The following CACNA1A variants were observed in gnomAD, a reference collection of about 807,000 sequenced individuals.
CACNA1A encodes voltage-dependent P/Q-type calcium channel subunit alpha-1A.
CACNA1A carries 57 observed loss-of-function variants against 262.4 expected under a neutral mutation model. The observed-to-expected ratio is 0.22, with a 90% CI of 0.18 to 0.27. The LOEUF (loss-of-function observed/expected upper bound fraction) is 0.27, where lower values mean the gene tolerates loss of function less well. Ranked by LOEUF, CACNA1A falls within the 10% of genes least tolerant of loss-of-function variation. CACNA1A has a pLI of 1.00. For synonymous variants in CACNA1A, 1,431 were observed against 1,419.3 expected (o/e 1.01, Z -0.18); for missense variants, 2,526 against 3,562.8 (o/e 0.71, Z 7.41).
intron 1 of CACNA1A, among the ~76,000 whole-genome samples, chr19:13,467,004 G>A (rs950227079): frequency 1.3e-5 from 2 of 151,836 alleles, no homozygotes; most frequent in African/African-American, 4.8e-5. Flanking sequence ...CCAAAACACT[G>A]GGATTACAGG....
rs2057734007 is a variant in CACNA1A at position 13,299,038 on chromosome 19, G to C, written c.2595C>G (p.His865Gln). 6.3e-6 allele frequency: 10 copies of C among 1,597,508 alleles called. No individual in the cohort carries two copies. The highest frequency in any genetic ancestry group is 8.5e-6 in the Non-Finnish European group (10 of 1,176,966). ...EDFLRKQARYHDRARDPSGSA... is the reference protein window; with the variant it reads ...EDFLRKQARYQDRARDPSGSA... Reference sequence around the variant, plus strand: ...AGCCGCTGGGGTCCCGGGCCCGATCGTGGTAGCGGGCCTGTTTCCTGAGGA... The same window carrying C: ...AGCCGCTGGGGTCCCGGGCCCGATCCTGGTAGCGGGCCTGTTTCCTGAGGA... The change falls in exon 19 of 47, where the codon CAC becomes CAG. Residue 865 changes from histidine (H) to glutamine (Q), a missense_variant. This residue lies in a region of CACNA1A where 765 missense variants were observed against 748.6 expected (regional missense o/e 1.02). Coordinates refer to ENST00000360228, the MANE Select transcript of CACNA1A (RefSeq NM_001127222.2).
At chr19:13,492,426 C>T (rs1049431457) in intron 1 of CACNA1A, among the ~76,000 whole-genome samples, 5 of 152,276 alleles carry the variant, frequency 3.3e-5, no homozygotes, top group East Asian at 1.9e-4. Context: ...TGGGCCACGT[C>T]GTCAGGGAAA....
chr19:13,277,346 G>A (rs2057175438), intron 22 of CACNA1A: 1 of 477,448 alleles, frequency 2.1e-6, no homozygotes, highest in Non-Finnish European at 3.8e-6. Flanking sequence ...TCCAGCAGAT[G>A]GCAGCAAATC....
At position 13,491,365 on chromosome 19, in the gene CACNA1A, A is replaced by T. The variant is rs189795503; in HGVS notation, c.293+14567T>A. Among the ~76,000 whole-genome samples the T allele has an allele frequency of 1.3e-3, 202 of 152,224 alleles. 1 individual carries two copies. The highest frequency in any genetic ancestry group is 1.7e-3 in the South Asian group (8 of 4,814). On this transcript the variant is annotated intron_variant, in intron 1 of 46. Transcript: ENST00000360228. ...AGTTCTATAAAGCTTAGGGGCTCAT[A>T]AGCTCCCCACAGAGAGGAGCTACTG...
intron 3 of CACNA1A, among the ~76,000 whole-genome samples, chr19:13,375,950 G>C (rs942198209): frequency 6.6e-6 from 1 of 152,194 alleles, no homozygotes; most frequent in African/African-American, 2.4e-5. Flanking sequence ...GAAAGTTTTA[G>C]TGGTCTGGAT....
At chr19:13,407,425 T>C (rs1295665827) in intron 3 of CACNA1A, among the ~76,000 whole-genome samples, 1 of 152,226 alleles carries the variant, frequency 6.6e-6, no homozygotes, top group Non-Finnish European at 1.5e-5. Flanking sequence ...CCTATTTCCT[T>C]CTCTGTAAAA....
At chr19:13,464,951 CAG>C (rs2061205514) in intron 1 of CACNA1A, among the ~76,000 whole-genome samples, 2 of 151,984 alleles carry the variant, frequency 1.3e-5, no homozygotes, top group East Asian at 1.9e-4. Flanking sequence ...CTTTTTGAGA[CAG>C]AGTCTTGCTC....
At chr19:13,299,545 C>T (rs1198852884) in intron 18 of CACNA1A, among the ~76,000 whole-genome samples, 192 bp from the exon 19 acceptor site, 1 of 152,164 alleles carries the variant, frequency 6.6e-6, no homozygotes, top group Non-Finnish European at 1.5e-5. Context: ...TCCATGGCTC[C>T]CACCTGGCTA....
chr19:13,344,204 ACT>A (rs1174239410), intron 6 of CACNA1A, among the ~76,000 whole-genome samples: 1 of 136,098 alleles, frequency 7.3e-6, no homozygotes, highest in Non-Finnish European at 1.5e-5. Context: ...CCACAGTGAG[ACT>A]CTGTCTCAAA....
chr19:13,330,329 C>A lies in CACNA1A; in HGVS notation c.1260G>T (p.Leu420=). 6.4e-7 allele frequency: 1 copy of A among 1,560,350 alleles called. No homozygotes were observed. Among genetic ancestry groups the A allele is most frequent in the Admixed American group, 1.9e-5 (1 of 51,950 alleles). The change falls in exon 10 of 47, where the codon CTG becomes CTT. Residue 420 remains leucine, a synonymous_variant. Transcript: ENST00000360228. ...TGCTTTTCTTTATGGTGGTTCTCCG[C>A]AGAGCTCCAACAATGGAAACATGGC... ...DGEQRHPFDA[L]RRTTIKKSKT...
At chr19:13,285,353 A>C in intron 20 of CACNA1A, 147 bp from the exon 21 acceptor site, 1 of 761,524 alleles carries the variant, frequency 1.3e-6, no homozygotes, top group Non-Finnish European at 2.1e-6. Flanking sequence ...ACATCACTGA[A>C]CCCTTGTATA....
intron 20 of CACNA1A, 102 bp downstream of exon 20, chr19:13,286,401 A>C: frequency 1.9e-6 from 1 of 522,914 alleles, no homozygotes; most frequent in East Asian, 3.2e-5. Flanking sequence ...GAGGAGACTG[A>C]GGCCAGAGAG....
intron 34 of CACNA1A, among the ~76,000 whole-genome samples, chr19:13,233,106 AT>A (rs2055732736): frequency 6.6e-6 from 1 of 151,284 alleles, no homozygotes; most frequent in Non-Finnish European, 1.5e-5. Flanking sequence ...CTCATACTAT[AT>A]TCTCCCTAGA....
At chr19:13,452,706 T>C in intron 3 of CACNA1A, 170 bp downstream of exon 3, 1 of 630,272 alleles carries the variant, frequency 1.6e-6, no homozygotes, top group South Asian at 2.2e-5. Flanking sequence ...TGCTGTAATA[T>C]ACAGCTGAGA....
At chr19:13,473,754 C>G (rs1029363960) in intron 1 of CACNA1A, among the ~76,000 whole-genome samples, 104 of 69,048 alleles carry the variant, frequency 1.5e-3, no homozygotes, top group Non-Finnish European at 8.1e-4. Context: ...GGCTCCCCCC[C>G]ACCCCCCTGC....
chr19:13,215,320 T>G (rs1349208861), intron 38 of CACNA1A: 1 of 60,130 alleles, frequency 1.7e-5, no homozygotes, highest in African/African-American at 7.5e-5. Context: ...TGGTTGTTTT[T>G]TTTTTGTTTT....
chr19:13,387,103 C>T (rs1233570267), intron 3 of CACNA1A, among the ~76,000 whole-genome samples: 1 of 152,050 alleles, frequency 6.6e-6, no homozygotes. Flanking sequence ...AGGCGTGCGC[C>T]ACCACGCCTG....
At position 13,212,308 on chromosome 19, in the gene CACNA1A, T is replaced by G. The variant is rs564340087; in HGVS notation, c.6189+76A>C. ...AGGGAGGGAGCTGCAGGTGTGTGTG[T>G]GTGGGGGGCCCAGATCCCTTCCACC... On this transcript the variant is annotated intron_variant, in intron 42 of 46. Coordinates refer to ENST00000360228, the MANE Select transcript of CACNA1A (RefSeq NM_001127222.2). This position sits in a 1 kb window ranked among gnomAD's most constrained non-coding sequence, Gnocchi z 5.6. 206 of 1,534,356 alleles carry G rather than the reference T, an allele frequency of 1.3e-4. 2 individuals carry two copies. In the South Asian group the frequency reaches 1.5e-3, roughly 11 times the overall value.
At chr19:13,434,252 G>A (rs1016719457) in intron 3 of CACNA1A, among the ~76,000 whole-genome samples, 7 of 152,134 alleles carry the variant, frequency 4.6e-5, no homozygotes, top group Admixed American at 1.3e-4. Flanking sequence ...GACCTCCTGG[G>A]TTCAAGTGAT....
Sources: allele counts gnomAD v4.1 joint callset (sites outside exome capture counted in the v4.1 genomes callset), GRCh38; gene constraint gnomAD v4.1.1; regional missense constraint gnomAD v4.1.1; non-coding constraint Gnocchi (gnomAD v3.1); transcripts MANE v1.5; gene names NCBI Gene and HGNC (gene_info 2026-07-23, HGNC 2026-07-21).